The following PCDHA2 variants were observed in gnomAD, a reference collection of about 807,000 sequenced individuals.
The protein encoded by PCDHA2 is protocadherin alpha-2.
Under a neutral mutation model 66.0 loss-of-function variants are expected in PCDHA2, and 58 were observed. That is an observed-to-expected ratio of 0.88 (90% CI 0.71 to 1.09). The LOEUF is 1.09. Ranked by LOEUF, PCDHA2 falls within the 50% of genes least tolerant of loss-of-function variation. PCDHA2 has a pLI of 0.00. For missense variants in PCDHA2, 1,267 were observed against 1,242.3 expected (o/e 1.02, Z -0.30); for synonymous variants, 634 against 554.0 (o/e 1.14, Z -2.03).
chr5:140,883,443 A>G (rs2059611817), intron 1 of PCDHA2: 1 of 1,614,136 alleles, frequency 6.2e-7, no homozygotes. Flanking sequence ...TTGACGCCGC[A>G]TGTCCCCTTC....
intron 1 of PCDHA2, chr5:140,843,571 C>G: frequency 1.3e-6 from 2 of 1,595,974 alleles, no homozygotes; most frequent in Non-Finnish European, 1.7e-6. Context: ...GCTGGTCATA[C>G]TCGCAACAAC....
intron 1 of PCDHA2, among the ~76,000 whole-genome samples, chr5:140,915,190 G>T (rs1317793585): frequency 1.3e-5 from 2 of 151,978 alleles, no homozygotes; most frequent in African/African-American, 4.8e-5. Flanking sequence ...CTAGTGATCC[G>T]CCCATCTTGG....
intron 1 of PCDHA2, chr5:140,883,577 G>C: frequency 1.2e-6 from 2 of 1,614,052 alleles, no homozygotes; most frequent in South Asian, 1.1e-5. Context: ...TTCGCTGTGG[G>C]CCACGGCCAG....
intron 1 of PCDHA2, among the ~76,000 whole-genome samples, chr5:140,955,373 T>C (rs2338310): frequency 0.011 from 1,717 of 152,252 alleles, 30 homozygotes; most frequent in African/African-American, 0.038. Context: ...TGGGAGGTAA[T>C]TGAATCATGG....
intron 1 of PCDHA2, among the ~76,000 whole-genome samples, chr5:140,965,905 G>A (rs76116187): frequency 0.016 from 2,504 of 152,338 alleles, 69 homozygotes; most frequent in African/African-American, 0.056. Context: ...TGGATCCCAG[G>A]ATGCTGGTTT....
intron 1 of PCDHA2, among the ~76,000 whole-genome samples, chr5:140,879,151 T>C (rs1409921025): frequency 6.6e-6 from 1 of 152,216 alleles, no homozygotes; most frequent in Non-Finnish European, 1.5e-5. Flanking sequence ...GCAGGAAAGC[T>C]ATTTCTTTTT....
chr5:140,809,290 C>T, intron 1 of PCDHA2: 1 of 1,614,126 alleles, frequency 6.2e-7, no homozygotes, highest in South Asian at 1.1e-5. Flanking sequence ...TATACCTGAT[C>T]ATTGCCATCT....
intron 1 of PCDHA2, among the ~76,000 whole-genome samples, chr5:140,911,002 C>A (rs1216727256): frequency 6.6e-6 from 1 of 152,114 alleles, no homozygotes; most frequent in Non-Finnish European, 1.5e-5. Context: ...CCCTAGGGCC[C>A]TCCTGGGACT....
intron 1 of PCDHA2, chr5:140,857,742 T>A (rs375305711): frequency 1.3e-6 from 2 of 1,597,392 alleles, no homozygotes; most frequent in Non-Finnish European, 1.7e-6. Flanking sequence ...CCCGCGCTGC[T>A]GGCGTCTCCC....
intron 3 of PCDHA2, among the ~76,000 whole-genome samples, chr5:140,995,774 G>A (rs2097697505): frequency 1.3e-5 from 2 of 151,968 alleles, no homozygotes; most frequent in Admixed American, 1.3e-4. Context: ...GAGAGTGAAG[G>A]GCAGGTTTAA....
intron 1 of PCDHA2, among the ~76,000 whole-genome samples, chr5:140,889,697 A>G (rs920897018): frequency 4.6e-5 from 7 of 152,294 alleles, no homozygotes; most frequent in Middle Eastern, 3.4e-3. Flanking sequence ...TATTATGGGC[A>G]TATTCCACAA....
chr5:140,800,466 T>G, intron 1 of PCDHA2, among the ~76,000 whole-genome samples: 1 of 152,316 alleles, frequency 6.6e-6, no homozygotes, highest in East Asian at 1.9e-4. Flanking sequence ...TATGTATGTT[T>G]TAATATATAC....
chr5:140,876,580 G>T, intron 1 of PCDHA2: 1 of 1,614,190 alleles, frequency 6.2e-7, no homozygotes, highest in African/African-American at 1.3e-5. Context: ...TACCGTCATT[G>T]CCCTGATTAG....
chr5:140,802,971 G>A (rs782454635), intron 1 of PCDHA2: 2 of 1,613,884 alleles, frequency 1.2e-6, no homozygotes, highest in Non-Finnish European at 1.7e-6. Flanking sequence ...CCACGTGGTA[G>A]CGAAGGTGCG....
intron 1 of PCDHA2, chr5:140,857,825 G>T: frequency 3.8e-6 from 6 of 1,597,886 alleles, no homozygotes; most frequent in Non-Finnish European, 3.4e-6. Flanking sequence ...GGTGGCTAAG[G>T]TGCGCGCAGT....
intron 1 of PCDHA2, chr5:140,830,082 C>G: frequency 6.2e-7 from 1 of 1,613,566 alleles, no homozygotes; most frequent in Non-Finnish European, 8.5e-7. Context: ...GCGACGGCCA[C>G]GGTTCTGGTG....
Position 140,861,540 on chromosome 5 carries a change from C to T in PCDHA2, c.2388+64188C>T, listed in dbSNP as rs78647999. On this transcript the variant is annotated intron_variant, in intron 1 of 3. Coordinates refer to ENST00000526136, the MANE Select transcript of PCDHA2 (RefSeq NM_018905.3). ...TGGGAGGATCTCGGAGTGCAGCATC[C>T]ACCTGGAAGTGATCGTGGACAAGCT... is the stretch of plus-strand genomic sequence containing the variant. 502 of 425,826 alleles carry T rather than the reference C, an allele frequency of 1.2e-3. 2 individuals are homozygous for T. The highest frequency in any genetic ancestry group is 9.5e-3 in the African/African-American group (465 of 48,884). 26.4% of individuals were successfully genotyped at this position (425,826 alleles called of 1,614,324 possible).
At chr5:140,941,202 C>CCTTTCTTCCTTCCTTTCTTTCTTT (rs1394736170) in intron 1 of PCDHA2, among the ~76,000 whole-genome samples, 4 of 122,742 alleles carry the variant, frequency 3.3e-5, no homozygotes, top group African/African-American at 5.9e-5. Context: ...TTTCTTTCTT[C>CCTTTCTTCCTTCCTTTCTTTCTTT]CTTTCTTTCT....
intron 1 of PCDHA2, chr5:140,852,731 C>G: frequency 1.0e-6 from 1 of 983,362 alleles, no homozygotes; most frequent in Non-Finnish European, 1.2e-6. Context: ...TTTCAAGTTT[C>G]ATGTGCCATT....
Sources: allele counts gnomAD v4.1 joint callset (sites outside exome capture counted in the v4.1 genomes callset), GRCh38; gene constraint gnomAD v4.1.1; transcripts MANE v1.5; gene names NCBI Gene and HGNC (gene_info 2026-07-23, HGNC 2026-07-21).